The following USP54 variants were observed in gnomAD, a reference collection of about 807,000 sequenced individuals.
USP54 encodes ubiquitin carboxyl-terminal hydrolase 54.
In USP54, 87 loss-of-function variants were observed where a neutral mutation model predicts 170.5. The ratio of observed to expected loss-of-function variants is 0.51; its 90% CI spans 0.43 to 0.61. The LOEUF (loss-of-function observed/expected upper bound fraction) is 0.61, where lower values mean the gene tolerates loss of function less well. USP54 is among the 20% of genes least tolerant of loss of function. USP54 has a pLI of 0.00. For missense variants in USP54, 1,786 were observed against 2,047.8 expected, an observed-to-expected ratio of 0.87 and a Z score of 2.47; for synonymous variants, 655 against 742.8, an observed-to-expected ratio of 0.88 and a Z score of 1.92.
At chr10:73,553,504 A>T (rs530778639) in intron 4 of USP54, among the ~76,000 whole-genome samples, 1 of 152,144 alleles carries the variant, frequency 6.6e-6, no homozygotes, top group East Asian at 1.9e-4. Flanking sequence ...GCCTCCTCCC[A>T]TTCTCTTTTT....
chr10:73,588,618 T>C (rs1400034240), intron 1 of USP54, among the ~76,000 whole-genome samples: 2 of 152,182 alleles, frequency 1.3e-5, no homozygotes, highest in Non-Finnish European at 2.9e-5. Flanking sequence ...TCTAATCCCA[T>C]CTATACAATA....
At chr10:73,547,874 C>T (rs926638517) in intron 4 of USP54, among the ~76,000 whole-genome samples, 5 of 151,938 alleles carry the variant, frequency 3.3e-5, no homozygotes, top group African/African-American at 1.2e-4. Context: ...AGCCAAAATA[C>T]ACAAATGGGA....
At position 73,511,339 on chromosome 10, in the gene USP54, A is replaced by T. The variant is rs532781343; in HGVS notation, c.4051+5036T>A. ...CATGTAAATTACATATCAATAAAGC[A>T]TTTTTTTTTTTTTAGCATTTTTTGA... On this transcript the variant is annotated intron_variant, in intron 20 of 23. Coordinates refer to ENST00000687698, the MANE Select transcript of USP54 (RefSeq NM_001391956.1). 1.7e-4 allele frequency among the ~76,000 whole-genome samples: 25 copies of T among 145,114 alleles called. No homozygotes were observed. The South Asian group carries it at 2.7e-3, about 15-fold the overall frequency.
intron 1 of USP54, among the ~76,000 whole-genome samples, chr10:73,587,045 A>G (rs895029154): frequency 6.6e-6 from 1 of 152,226 alleles, no homozygotes; most frequent in Non-Finnish European, 1.5e-5. Flanking sequence ...CTTTGTTATA[A>G]TTGACAAATT....
chr10:73,559,168 C>A (rs2072097132), intron 4 of USP54, among the ~76,000 whole-genome samples: 1 of 152,148 alleles, frequency 6.6e-6, no homozygotes, highest in Non-Finnish European at 1.5e-5. Context: ...TGCCTATAAT[C>A]CCAGCACCTT....
intron 1 of USP54, among the ~76,000 whole-genome samples, chr10:73,580,657 C>T (rs902943284): frequency 2.6e-5 from 4 of 152,192 alleles, no homozygotes; most frequent in Admixed American, 2.0e-4. Flanking sequence ...ACTGCAACCT[C>T]TGCCTCCCGG....
intron 10 of USP54, chr10:73,538,077 C>T (rs1166360074): frequency 4.6e-5 from 7 of 152,186 alleles, no homozygotes; most frequent in East Asian, 3.9e-4. Context: ...TGATGGTACG[C>T]GCCCGTAATC....
intron 1 of USP54, among the ~76,000 whole-genome samples, chr10:73,617,236 C>T (rs957724837): frequency 6.7e-6 from 1 of 150,276 alleles, no homozygotes; most frequent in Non-Finnish European, 1.5e-5. Context: ...GTGGAGGTTG[C>T]GGTGAGCTGA....
At chr10:73,602,565 T>A (rs1225546086) in intron 1 of USP54, among the ~76,000 whole-genome samples, 19 of 116,570 alleles carry the variant, frequency 1.6e-4, no homozygotes, top group Non-Finnish European at 2.7e-4. Context: ...AAAAAAAAAA[T>A]AGTATAATAG....
At chr10:73,543,276 T>G (rs905693867) in intron 5 of USP54, 145 bp from the exon 6 acceptor site, 7 of 614,368 alleles carry the variant, frequency 1.1e-5, no homozygotes, top group East Asian at 2.8e-5. Context: ...TTAAAAAAAT[T>G]ATAAATTCAT....
chr10:73,582,449 G>C (rs758644971), intron 1 of USP54, among the ~76,000 whole-genome samples: 2 of 151,422 alleles, frequency 1.3e-5, no homozygotes, highest in Non-Finnish European at 2.9e-5. Flanking sequence ...GCAGTGATGC[G>C]ATCTTGGCTC....
At chr10:73,552,334 A>C (rs1009002834) in intron 4 of USP54, among the ~76,000 whole-genome samples, 2 of 151,442 alleles carry the variant, frequency 1.3e-5, no homozygotes, top group African/African-American at 4.9e-5. Flanking sequence ...AATTGCTTGA[A>C]CCTAGGAGGC....
chr10:73,569,902 CAAAAAAAAAAAAAAA>C (rs34676499), intron 4 of USP54, among the ~76,000 whole-genome samples: 265 of 18,676 alleles, frequency 0.014, no homozygotes, highest in Non-Finnish European at 0.021. Flanking sequence ...ATTTCATCTC[CAAAAAAAAAAAAAAA>C]AAAAAAAAAA....
chr10:73,606,427 T>G (rs567248554), intron 1 of USP54: 3 of 152,136 alleles, frequency 2.0e-5, no homozygotes, highest in Middle Eastern at 3.4e-3. Flanking sequence ...GCCTAGGAGT[T>G]CGAGTACAGC....
intron 4 of USP54, among the ~76,000 whole-genome samples, chr10:73,552,936 T>C (rs1447682902): frequency 6.6e-6 from 1 of 152,230 alleles, no homozygotes; most frequent in East Asian, 1.9e-4. Flanking sequence ...CACTGTCCTA[T>C]GATGAAAGAA....
intron 7 of USP54, among the ~76,000 whole-genome samples, chr10:73,542,539 C>T (rs2066841348): frequency 6.6e-6 from 1 of 152,142 alleles, no homozygotes; most frequent in South Asian, 2.1e-4. Context: ...GCCTGACCAA[C>T]ATGATGAAAC....
chr10:73,576,142 T>C lies in USP54; in HGVS notation c.-362A>G, dbSNP rs2076078191. 1 of 152,274 alleles carries C rather than the reference T, an allele frequency of 6.6e-6. No individual in the cohort carries two copies. Among genetic ancestry groups the C allele is most frequent in the South Asian group, 2.1e-4 (1 of 4,836 alleles). 9.4% of individuals were successfully genotyped at this position (152,274 alleles called of 1,614,324 possible). A position where few individuals can be genotyped will look rare whatever the true frequency, so the allele number is the denominator to read the frequency against. On this transcript the variant is annotated 5_prime_UTR_variant, in exon 2 of 24. Transcript: ENST00000687698. ...CCAACATGATCCTCCTCACCCTCTA[T>C]TGCCTTGTCTCATCATCCTCTGAAG... is the stretch of plus-strand genomic sequence containing the variant.
intron 23 of USP54, among the ~76,000 whole-genome samples, chr10:73,500,236 C>G (rs368105608): frequency 1.3e-5 from 2 of 152,334 alleles, no homozygotes; most frequent in African/African-American, 4.8e-5. Flanking sequence ...AATTCTCCCA[C>G]TCATTCCTTA....
chr10:73,534,603 T>A lies in USP54; in HGVS notation c.1312A>T (p.Thr438Ser), dbSNP rs752168433. 2.5e-6 allele frequency: 4 copies of A among 1,613,856 alleles called. No homozygotes were observed. The highest frequency in any genetic ancestry group is 3.4e-6 in the Non-Finnish European group (4 of 1,179,824). Residue 438 changes from threonine (T) to serine (S), a missense_variant, in exon 12 of 24, where the codon ACA becomes TCA. Thr to Ser is a moderately conservative substitution (Grantham distance 58). Around this residue, in one of 3 missense-constraint regions of USP54, gnomAD observed 1,418 missense variants for 1,569.0 expected, o/e 0.90. Coordinates refer to ENST00000687698, the MANE Select transcript of USP54 (RefSeq NM_001391956.1). ...NDSMSQSSRD[T>S]GHLTDSECNQ... ...GACCCTCTGTATAAGTCCCTACCTG[T>A]GTCCCGACTGCTCTGAGACATGGAA...
Sources: allele counts gnomAD v4.1 joint callset (sites outside exome capture counted in the v4.1 genomes callset), GRCh38; gene constraint gnomAD v4.1.1; regional missense constraint gnomAD v4.1.1; transcripts MANE v1.5; gene names NCBI Gene and HGNC (gene_info 2026-07-23, HGNC 2026-07-21).